The following SPMIP2 variants were observed in gnomAD, a reference collection of about 807,000 sequenced individuals.
The protein encoded by SPMIP2 is sperm microtubule inner protein 2, also known as protein SPMIP2.
the SPMIP2 span, among the ~76,000 whole-genome samples, chr4:158,978,841 A>G: frequency 6.6e-6 from 1 of 152,006 alleles, no homozygotes; most frequent in Non-Finnish European, 1.5e-5. Context: ...TCTTGAATAC[A>G]GCACACCGAT....
the SPMIP2 span, chr4:159,007,798 T>G: frequency 1.7e-6 from 1 of 575,390 alleles, no homozygotes; most frequent in South Asian, 1.4e-5. Flanking sequence ...GAGAAAATTG[T>G]CAACCCGAAG....
the SPMIP2 span, among the ~76,000 whole-genome samples, chr4:159,037,001 T>A: frequency 6.6e-6 from 1 of 152,210 alleles, no homozygotes; most frequent in South Asian, 2.1e-4. Context: ...CACTCACCTG[T>A]GGTTTTAAGG....
the SPMIP2 span, among the ~76,000 whole-genome samples, chr4:159,072,646 A>G: frequency 0.01 from 1,555 of 151,936 alleles, 17 homozygotes; most frequent in Non-Finnish European, 0.014. Flanking sequence ...TGTTTTTTGT[A>G]GAGATGGGGT....
chr4:158,929,382 T>C, the SPMIP2 span, among the ~76,000 whole-genome samples: 1 of 152,252 alleles, frequency 6.6e-6, no homozygotes, highest in African/African-American at 2.4e-5. Context: ...AGTCATTGAT[T>C]TGGTAGGATT....
the SPMIP2 span, among the ~76,000 whole-genome samples, chr4:159,014,407 C>G: frequency 1.3e-5 from 2 of 152,044 alleles, no homozygotes; most frequent in Non-Finnish European, 2.9e-5. Context: ...GAGCTGAGGT[C>G]GCACCACCGC....
chr4:158,960,373 T>G, the SPMIP2 span: 1 of 1,382,874 alleles, frequency 7.2e-7, no homozygotes, highest in African/African-American at 1.4e-5. Flanking sequence ...TAATGTACCA[T>G]AATTCCAAAG....
chr4:158,965,733 T>C, the SPMIP2 span, among the ~76,000 whole-genome samples: 1 of 151,756 alleles, frequency 6.6e-6, no homozygotes. Context: ...GTGGACAAAT[T>C]GCCAACCTAA....
chr4:158,960,270 A>G, the SPMIP2 span: 2 of 1,394,256 alleles, frequency 1.4e-6, no homozygotes, highest in East Asian at 2.3e-5. Flanking sequence ...ATAAAAATAT[A>G]TTCATATTTG....
At chr4:159,021,017 G>A in the SPMIP2 span, among the ~76,000 whole-genome samples, 25 of 152,202 alleles carry the variant, frequency 1.6e-4, no homozygotes, top group Non-Finnish European at 2.4e-4. Context: ...CGCCTCAGCC[G>A]CCCAAAGTCC....
chr4:158,955,644 G>A, the SPMIP2 span, among the ~76,000 whole-genome samples: 7 of 152,316 alleles, frequency 4.6e-5, no homozygotes, highest in East Asian at 1.9e-4. Flanking sequence ...GACCTCAGGT[G>A]ATCTGCCTGC....
At chr4:158,946,944 A>G in the SPMIP2 span, among the ~76,000 whole-genome samples, 1 of 152,168 alleles carries the variant, frequency 6.6e-6, no homozygotes, top group South Asian at 2.1e-4. Context: ...AGCACCAACT[A>G]TCTTTGTGGC....
chr4:159,041,108 T>C, the SPMIP2 span, among the ~76,000 whole-genome samples: 3 of 152,210 alleles, frequency 2.0e-5, no homozygotes, highest in Non-Finnish European at 4.4e-5. Flanking sequence ...CTTTACTTTT[T>C]GTATTTGAAT....
At chr4:158,959,422 T>C in the SPMIP2 span, among the ~76,000 whole-genome samples, 3 of 125,254 alleles carry the variant, frequency 2.4e-5, no homozygotes, top group African/African-American at 8.5e-5. Flanking sequence ...TAATAAGTTA[T>C]AGGAATTGCC....
At chr4:158,908,827 C>T in the SPMIP2 span, among the ~76,000 whole-genome samples, 2 of 152,174 alleles carry the variant, frequency 1.3e-5, no homozygotes, top group Admixed American at 6.5e-5. Flanking sequence ...GCTGGGGTTA[C>T]AGGCATGCGC....
chr4:158,968,527 T>C, the SPMIP2 span, among the ~76,000 whole-genome samples: 1 of 152,160 alleles, frequency 6.6e-6, no homozygotes, highest in South Asian at 2.1e-4. Context: ...GTGGCTCCAA[T>C]CTAATGTTCT....
chr4:158,894,166 TTTTC>T, the SPMIP2 span, among the ~76,000 whole-genome samples: 1 of 127,080 alleles, frequency 7.9e-6, no homozygotes, highest in African/African-American at 2.8e-5. Flanking sequence ...TTAAAAAATG[TTTTC>T]TTTTTTTTTT....
At chr4:158,908,707 A>T in the SPMIP2 span, among the ~76,000 whole-genome samples, 1 of 152,090 alleles carries the variant, frequency 6.6e-6, no homozygotes, top group Non-Finnish European at 1.5e-5. Context: ...ATTTTTTGAG[A>T]TGGGGTTTTG....
chr4:158,893,850 T>C, the SPMIP2 span: 1 of 595,046 alleles, frequency 1.7e-6, no homozygotes, highest in Admixed American at 2.9e-5. Context: ...TAAATTGTTA[T>C]AGTTAATTCT....
chr4:158,928,084 G>A, the SPMIP2 span, among the ~76,000 whole-genome samples: 4 of 152,224 alleles, frequency 2.6e-5, no homozygotes, highest in East Asian at 7.7e-4. Flanking sequence ...GCTGAGGAGT[G>A]CAGGCGCAAG....
Sources: gnomAD v4.1 joint callset for allele counts (sites outside exome capture counted in the v4.1 genomes callset) on GRCh38, gnomAD v4.1.1 for gene constraint, MANE v1.5 for transcripts, NCBI Gene and HGNC (gene_info 2026-07-23, HGNC 2026-07-21) for gene names.